Variants in SEC14L6 observed in about 807,000 individuals in gnomAD.
SEC14L6 encodes SEC14-like protein 6.
In SEC14L6, 40 loss-of-function variants were observed where a neutral mutation model predicts 54.1. The observed-to-expected ratio is 0.74, with a 90% CI of 0.57 to 0.96. SEC14L6 has a LOEUF of 0.96. Among genes scored for constraint, SEC14L6 ranks in the 40% least tolerant of loss-of-function variants. The pLI, the probability that SEC14L6 is intolerant of heterozygous loss-of-function variation, is 0.00. For synonymous variants in SEC14L6, 171 were observed against 198.4 expected (o/e 0.86, Z 1.16); for missense variants, 471 against 498.3 (o/e 0.95, Z 0.52).
Position 30,538,839 on chromosome 22 carries a change from G to T in SEC14L6, c.118C>A (p.Arg40Ser), listed in dbSNP as rs748038979. 1.3e-6 allele frequency: 2 copies of T among 1,557,264 alleles called. No homozygotes were observed. The highest frequency in any genetic ancestry group is 1.9e-5 in the Admixed American group (1 of 51,532). ...GCTCTATCCTTACCTTGGAGCCAGC[G>T]CAGGAGGAAGTAGTCATCAGGATTG... ...LPNPDDYFLL[R>S]WLQARSFDLQ... Residue 40 changes from arginine (R) to serine (S), a missense_variant, in exon 2 of 12, where the codon CGC becomes AGC. Physicochemically the swap from Arg to Ser is moderately radical, Grantham distance 110. Coordinates refer to ENST00000402034, the MANE Select transcript of SEC14L6 (RefSeq NM_001193336.4).
At chr22:30,527,683 C>G (rs551915650) in intron 8 of SEC14L6, among the ~76,000 whole-genome samples, 8 of 145,080 alleles carry the variant, frequency 5.5e-5, no homozygotes, top group South Asian at 2.2e-4. Context: ...TCACTGTACT[C>G]CAGCCTGGGT....
chr22:30,525,139 A>C (rs1263564015), intron 11 of SEC14L6, 30 bp from the exon 12 acceptor site: 1 of 1,370,086 alleles, frequency 7.3e-7, no homozygotes, highest in East Asian at 2.5e-5. Context: ...TTCAGACAAG[A>C]TGCCCCACCT....
intron 2 of SEC14L6, among the ~76,000 whole-genome samples, chr22:30,535,053 G>A (rs567907207): frequency 6.6e-6 from 1 of 150,822 alleles, no homozygotes; most frequent in Non-Finnish European, 1.5e-5. Context: ...AAAAAGAAAA[G>A]AAAAATTATA....
chr22:30,532,680 C>T lies in SEC14L6; in HGVS notation c.268G>A (p.Gly90Ser), dbSNP rs767119945. 6 of 1,553,864 alleles carry T rather than the reference C, an allele frequency of 3.9e-6. No homozygotes were observed. Among genetic ancestry groups the T allele is most frequent in the South Asian group, 2.4e-5 (2 of 84,584 alleles). ...VRLYNANGIC[G>S]HDGEGSPVWY... ...ACAGGGCTGCCCTCACCGTCGTGGC[C>T]GCATATGCCGTTAGCGTTGTACAGC... Residue 90 changes from glycine (G) to serine (S), a missense_variant, in exon 5 of 12, where the codon GGC (glycine) becomes AGC (serine). By Grantham distance (56) the Gly-to-Ser change is moderately conservative. Transcript: ENST00000402034.
chr22:30,546,431 C>T (rs2085798783), intron 1 of SEC14L6, among the ~76,000 whole-genome samples, 198 bp downstream of exon 1: 1 of 150,702 alleles, frequency 6.6e-6, no homozygotes, highest in African/African-American at 2.4e-5. Context: ...TTCAAATGAC[C>T]TATGTGGCTT....
At chr22:30,536,227 G>A (rs1398428613) in intron 2 of SEC14L6, among the ~76,000 whole-genome samples, 1 of 152,148 alleles carries the variant, frequency 6.6e-6, no homozygotes, top group East Asian at 1.9e-4. Context: ...GTTTTACAAA[G>A]GCTATTCATC....
chr22:30,534,261 G>C (rs1937074921), intron 2 of SEC14L6, among the ~76,000 whole-genome samples: 2 of 152,176 alleles, frequency 1.3e-5, no homozygotes, highest in Non-Finnish European at 2.9e-5. Flanking sequence ...GGTGGGCCTT[G>C]GGGCCCTTTT....
Position 30,529,099 on chromosome 22 carries a change from C to A in SEC14L6, c.652G>T (p.Val218Leu), listed in dbSNP as rs766210708. The change falls in exon 8 of 12, where the codon GTG becomes TTG. Residue 218 changes from valine to leucine, a missense_variant. Transcript: ENST00000402034. ...AGGGCTCACTCACCTCCGAGAATCACCACCTTCCTGCGTGTCTCTTCACTC... is the reference window on the plus strand; with the variant it reads ...AGGGCTCACTCACCTCCGAGAATCAACACCTTCCTGCGTGTCTCTTCACTC... Reference protein sequence around the residue: ...YMSEETRRKVVILGDNWKQEL... With the variant: ...YMSEETRRKVLILGDNWKQEL... 4 of 1,550,930 alleles carry A rather than the reference C, an allele frequency of 2.6e-6. No individual in the cohort carries two copies. The highest frequency in any genetic ancestry group is 2.0e-5 in the Admixed American group (1 of 50,982).
chr22:30,531,693 T>C (rs1212540012), intron 6 of SEC14L6, among the ~76,000 whole-genome samples: 2 of 152,074 alleles, frequency 1.3e-5, no homozygotes, highest in Non-Finnish European at 2.9e-5. Context: ...CATTGCACTC[T>C]AGTCTGGGCA....
At position 30,525,092 on chromosome 22, in the gene SEC14L6, T is replaced by A. The variant is rs1268312563; in HGVS notation, c.1099A>T (p.Asn367Tyr). 1.3e-6 allele frequency: 2 copies of A among 1,547,626 alleles called. No homozygotes were observed. ...TTAGAATGAACCAGGCTGTAGGTGT[T>A]GTAAAACCTCAGGACATCTGCAGTG... ...QAGSYVLRFY[N>Y]TYSLVHSKRI... Residue 367 changes from asparagine (N) to tyrosine (Y), a missense_variant, in exon 12 of 12, where the codon AAC becomes TAC. Physicochemically the swap from Asn to Tyr is moderately radical, Grantham distance 143. Transcript: ENST00000402034.
intron 2 of SEC14L6, among the ~76,000 whole-genome samples, 165 bp from the exon 3 acceptor site, chr22:30,534,204 C>T (rs1651256996): frequency 6.6e-6 from 1 of 152,150 alleles, no homozygotes; most frequent in Non-Finnish European, 1.5e-5. Flanking sequence ...ATCCGGAGAC[C>T]CAGGAACACT....
chr22:30,529,564 C>T (rs1158462696), intron 6 of SEC14L6, among the ~76,000 whole-genome samples: 1 of 152,058 alleles, frequency 6.6e-6, no homozygotes, highest in East Asian at 1.9e-4. Context: ...AGTCATAGAC[C>T]TTCCTTGAAG....
intron 1 of SEC14L6, among the ~76,000 whole-genome samples, chr22:30,542,272 C>T (rs1246799994): frequency 6.6e-6 from 1 of 152,210 alleles, no homozygotes; most frequent in East Asian, 1.9e-4. Context: ...GAGGCACGAC[C>T]TCTTGGGGAG....
At chr22:30,532,374 G>T in intron 5 of SEC14L6, 151 bp downstream of exon 5, 3 of 1,331,700 alleles carry the variant, frequency 2.3e-6, no homozygotes, top group South Asian at 3.1e-5. Context: ...GGCCTTGGGT[G>T]GGTCCTTGGC....
intron 3 of SEC14L6, 159 bp from the exon 4 acceptor site, chr22:30,533,015 G>A: frequency 1.0e-6 from 1 of 985,370 alleles, no homozygotes; most frequent in Non-Finnish European, 1.2e-6. Context: ...ATGGAAACAG[G>A]ATGGGGATGG....
intron 6 of SEC14L6, 38 bp from the exon 7 acceptor site, chr22:30,529,387 C>T (rs1601880960): frequency 1.3e-6 from 2 of 1,517,924 alleles, no homozygotes; most frequent in East Asian, 4.9e-5. Context: ...GGCGTCTGAA[C>T]ACTGTCCCCT....
chr22:30,543,041 C>T lies in SEC14L6; in HGVS notation c.54+3588G>A, dbSNP rs538081161. 128 of 1,598,794 alleles carry T rather than the reference C, an allele frequency of 8.0e-5. No individual in the cohort carries two copies. The African/African-American group carries it at 1.4e-3, about 18-fold the overall frequency. The stretch of plus-strand genomic sequence containing the variant: ...GCCCCCGTGGTATCGGGCCCCGCAG[C>T]GAGGGCCACACCTGACCACACAGTG... On this transcript the variant is annotated intron_variant, in intron 1 of 11. Coordinates refer to ENST00000402034, the MANE Select transcript of SEC14L6 (RefSeq NM_001193336.4).
Position 30,524,329 on chromosome 22 carries a change from T to G in SEC14L6, c.*668A>C, listed in dbSNP as rs1226880113. On this transcript the variant is annotated 3_prime_UTR_variant, in exon 12 of 12. Coordinates refer to ENST00000402034, the MANE Select transcript of SEC14L6 (RefSeq NM_001193336.4). ...AAACTATCTTTTCAATGGTAATTATTTCCTGATCTGTCAGCTATACTATAT... is the reference window on the plus strand; with the variant it reads ...AAACTATCTTTTCAATGGTAATTATGTCCTGATCTGTCAGCTATACTATAT... 3.3e-5 allele frequency: 5 copies of G among 152,216 alleles called. No individual in the cohort carries two copies. Among genetic ancestry groups the G allele is most frequent in the Admixed American group, 3.3e-4 (5 of 15,270 alleles). 9.4% of individuals were successfully genotyped at this position (152,216 alleles called of 1,614,324 possible). A position where few individuals can be genotyped will look rare whatever the true frequency, so the allele number is the denominator to read the frequency against.
Position 30,546,626 on chromosome 22 carries a change from C to A in SEC14L6, c.54+3G>T, listed in dbSNP as rs751528720. The A allele has an allele frequency of 4.1e-5, 63 of 1,550,234 alleles. No homozygotes were observed. The highest frequency in any genetic ancestry group is 5.1e-5 in the Non-Finnish European group (59 of 1,146,856). On this transcript the variant is annotated splice_donor_region_variant and intron_variant, in intron 1 of 11. Coordinates refer to ENST00000402034, the MANE Select transcript of SEC14L6 (RefSeq NM_001193336.4). ...TGGTGTAGGAGTCTCTCCCTTCACTCACCTGGGCCAGCGACTTCTCCTGCG... is the reference window on the plus strand; with the variant it reads ...TGGTGTAGGAGTCTCTCCCTTCACTAACCTGGGCCAGCGACTTCTCCTGCG...
Sources: allele counts gnomAD v4.1 joint callset (sites outside exome capture counted in the v4.1 genomes callset), GRCh38; gene constraint gnomAD v4.1.1; transcripts MANE v1.5; gene names NCBI Gene and HGNC (gene_info 2026-07-23, HGNC 2026-07-21).